Variants in LRFN2 observed in about 807,000 individuals in gnomAD.
LRFN2 encodes the protein leucine rich repeat and fibronectin type III domain containing 2.
Under a neutral mutation model 37.3 loss-of-function variants are expected in LRFN2, and 18 were observed. That is an observed-to-expected ratio of 0.48 (90% CI 0.33 to 0.72). The LOEUF (loss-of-function observed/expected upper bound fraction) is 0.72. LRFN2 is among the 30% of genes least tolerant of loss of function. The pLI, the probability that LRFN2 is intolerant of heterozygous loss-of-function variation, is 0.02. For synonymous variants in LRFN2, 556 were observed against 466.6 expected, an observed-to-expected ratio of 1.19 and a Z score of -2.47; for missense variants, 1,006 against 1,060.7, an observed-to-expected ratio of 0.95 and a Z score of 0.72.
Position 40,409,404 on chromosome 6 carries a change from A to C in LRFN2, c.1401-16492T>G, listed in dbSNP as rs77795395. 2.9e-3 allele frequency among the ~76,000 whole-genome samples: 443 copies of C among 152,332 alleles called. 1 individual carries two copies. Among genetic ancestry groups the C allele is most frequent in the African/African-American group, 0.01 (420 of 41,566 alleles). ...CTTGCAAAATGGGTTCGTAACAGCA[A>C]TCATATGGTGTCTTTGTGAAAATTA... On this transcript the variant is annotated intron_variant, in intron 2 of 2. Coordinates refer to ENST00000338305, the MANE Select transcript of LRFN2 (RefSeq NM_020737.3).
At position 40,433,087 on chromosome 6, in the gene LRFN2, T is replaced by C. The variant is rs893531652; in HGVS notation, c.27A>G (p.Leu9=). 6.6e-7 allele frequency: 1 copy of C among 1,526,510 alleles called. No individual in the cohort carries two copies. Among genetic ancestry groups the C allele is most frequent in the African/African-American group, 1.4e-5 (1 of 72,028 alleles). 94.6% of individuals were successfully genotyped at this position (1,526,510 alleles called of 1,614,324 possible). The part of the protein sequence containing the change: METLLGGL[L]AFGMAFAVVD... Reference sequence around the variant, plus strand: ...CCACGGCAAACGCCATGCCAAACGCTAGCAGGCCACCAAGCAGGGTCTCCA... The same window carrying C: ...CCACGGCAAACGCCATGCCAAACGCCAGCAGGCCACCAAGCAGGGTCTCCA... The change falls in exon 2 of 3, where the codon CTA becomes CTG. Residue 9 remains leucine (L), a synonymous_variant. Transcript: ENST00000338305.
rs1265778813 is a variant in LRFN2, at chr6:40,535,693, T to C, written c.-19+51248A>G. On this transcript the variant is annotated intron_variant, in intron 1 of 2. Coordinates refer to ENST00000338305, the MANE Select transcript of LRFN2 (RefSeq NM_020737.3). Reference sequence around the variant, plus strand: ...TAACTGCTTAGCTGCACAGTCTACATTGGTGGGAGGTGCAGGTGGGGAGGA... The same window carrying C: ...TAACTGCTTAGCTGCACAGTCTACACTGGTGGGAGGTGCAGGTGGGGAGGA... Among the ~76,000 whole-genome samples the C allele has an allele frequency of 2.6e-5, 4 of 152,130 alleles. No homozygotes were observed. The East Asian group carries it at 5.8e-4, about 22-fold the overall frequency.
Position 40,392,234 on chromosome 6 carries a change from C to A in LRFN2, c.2079G>T (p.Ser693=). 6.4e-7 allele frequency: 1 copy of A among 1,571,658 alleles called. No individual in the cohort carries two copies. Among genetic ancestry groups the A allele is most frequent in the South Asian group, 1.2e-5 (1 of 83,414 alleles). Residue 693 remains serine, a synonymous_variant, in exon 3 of 3, where the codon TCG becomes TCT. Coordinates refer to ENST00000338305, the MANE Select transcript of LRFN2 (RefSeq NM_020737.3). The surrounding 1 kb of genome is among the most constrained non-coding windows in gnomAD (Gnocchi z 4.7). ...GGGGCCCCAGCAGTGGCTCTCGGTC[C>A]GAGTGGTGGCCCCGGGCCGACGTCC... ...GAGTSARGHH[S]DREPLLGPPA...
chr6:40,583,567 TCA>T (rs746840914), intron 1 of LRFN2, among the ~76,000 whole-genome samples: 82 of 152,138 alleles, frequency 5.4e-4, no homozygotes, highest in Non-Finnish European at 8.8e-4. Context: ...AGAGAAAGGG[TCA>T]CAAATATAGC....
At chr6:40,448,269 G>A (rs1241611775) in intron 1 of LRFN2, among the ~76,000 whole-genome samples, 1 of 152,086 alleles carries the variant, frequency 6.6e-6, no homozygotes, top group African/African-American at 2.4e-5. Context: ...AGTGAGTTTT[G>A]TGCTTCTCCT....
At chr6:40,452,636 A>T (rs1237429724) in intron 1 of LRFN2, among the ~76,000 whole-genome samples, 5 of 152,196 alleles carry the variant, frequency 3.3e-5, no homozygotes, top group African/African-American at 1.2e-4. Context: ...GTCCAGAAAA[A>T]CTTAGTGATG....
In LRFN2 at chr6:40,435,046, TATATATAGAGAGAGAG is replaced by T. The variant is rs1407844558; in HGVS notation, c.-18-1931_-18-1916del. On this transcript the variant is annotated intron_variant, in intron 1 of 2. Coordinates refer to ENST00000338305, the MANE Select transcript of LRFN2 (RefSeq NM_020737.3). ...ATATATATATATATATATATATATA[TATATATAGAGAGAGAG>T]AGAGAGAGAGAGAGAGAGAGAGAGA... 2.4e-3 allele frequency among the ~76,000 whole-genome samples: 197 copies of T among 81,160 alleles called. 1 individual carries two copies. Among genetic ancestry groups the T allele is most frequent in the African/African-American group, 0.011 (182 of 16,960 alleles). The allele number at this position is 81,160 out of a possible 152,430, so 53.2% of individuals were successfully genotyped here. A position where few individuals can be genotyped will look rare whatever the true frequency, so the allele number is the denominator to read the frequency against.
intron 1 of LRFN2, among the ~76,000 whole-genome samples, chr6:40,509,252 A>G (rs758804218): frequency 1.0e-4 from 16 of 152,388 alleles, no homozygotes; most frequent in East Asian, 7.7e-4. Flanking sequence ...CTTAACACAC[A>G]TAAGTTCCTG....
chr6:40,419,215 T>G (rs1192665766), intron 2 of LRFN2, among the ~76,000 whole-genome samples: 1 of 152,220 alleles, frequency 6.6e-6, no homozygotes, highest in African/African-American at 2.4e-5. Context: ...CTCCACAGCC[T>G]TTCATGGATT....
At chr6:40,557,513 G>A (rs2113927242) in intron 1 of LRFN2, among the ~76,000 whole-genome samples, 1 of 152,238 alleles carries the variant, frequency 6.6e-6, no homozygotes, top group South Asian at 2.1e-4. Flanking sequence ...TTGGGTCAGG[G>A]AGACTCTGTG....
chr6:40,520,362 C>T (rs1167462740), intron 1 of LRFN2, among the ~76,000 whole-genome samples: 1 of 152,080 alleles, frequency 6.6e-6, no homozygotes, highest in African/African-American at 2.4e-5. Flanking sequence ...AAGCATGACA[C>T]TCTGGGCTCC....
chr6:40,546,178 G>A (rs1442917210), intron 1 of LRFN2, among the ~76,000 whole-genome samples: 3 of 152,160 alleles, frequency 2.0e-5, no homozygotes, highest in Non-Finnish European at 2.9e-5. Context: ...ACAACGCACA[G>A]TCAGCGGGTG....
chr6:40,515,366 A>G (rs1446869950), intron 1 of LRFN2, among the ~76,000 whole-genome samples: 1 of 152,230 alleles, frequency 6.6e-6, no homozygotes, highest in Non-Finnish European at 1.5e-5. Flanking sequence ...AAATGAGCAG[A>G]ATACATGGTT....
chr6:40,442,526 C>A (rs1317897226), intron 1 of LRFN2, among the ~76,000 whole-genome samples: 2 of 151,946 alleles, frequency 1.3e-5, no homozygotes, highest in Non-Finnish European at 2.9e-5. Flanking sequence ...CAGACTGGGA[C>A]CCTCTGAGGG....
At position 40,544,867 on chromosome 6, in the gene LRFN2, C is replaced by T. The variant is rs150318772; in HGVS notation, c.-19+42074G>A. Among the ~76,000 whole-genome samples the T allele has an allele frequency of 1.6e-4, 24 of 152,336 alleles. No homozygotes were observed. In the East Asian group the frequency reaches 2.3e-3, roughly 15 times the overall value. On this transcript the variant is annotated intron_variant, in intron 1 of 2. Transcript: ENST00000338305. ...GTTCCTTTCCTCTTTGGACCCTAAA[C>T]CTGCATCTTTATAATGAGAAGGAGA...
intron 2 of LRFN2, among the ~76,000 whole-genome samples, chr6:40,414,074 G>A (rs999487043): frequency 6.6e-6 from 1 of 152,200 alleles, no homozygotes; most frequent in African/African-American, 2.4e-5. Flanking sequence ...GAACAGGCAG[G>A]AGCTCTTTGG....
intron 1 of LRFN2, among the ~76,000 whole-genome samples, chr6:40,558,473 G>A (rs1480308289): frequency 6.6e-6 from 1 of 152,124 alleles, no homozygotes; most frequent in Non-Finnish European, 1.5e-5. Context: ...TGAGGGTTTG[G>A]CCACCTTGCT....
At chr6:40,586,183 G>T (rs1414052096) in intron 1 of LRFN2, among the ~76,000 whole-genome samples, 1 of 152,176 alleles carries the variant, frequency 6.6e-6, no homozygotes, top group Non-Finnish European at 1.5e-5. Context: ...GCAAAGTAAG[G>T]CACTGTCCAC....
At chr6:40,505,941 C>T (rs544791516) in intron 1 of LRFN2, among the ~76,000 whole-genome samples, 9 of 152,268 alleles carry the variant, frequency 5.9e-5, no homozygotes, top group Admixed American at 3.3e-4. Context: ...GACAGTGTGG[C>T]CAAGTGTGCA....
Sources: allele counts gnomAD v4.1 joint callset (sites outside exome capture counted in the v4.1 genomes callset), GRCh38; gene constraint gnomAD v4.1.1; non-coding constraint Gnocchi (gnomAD v3.1); transcripts MANE v1.5; gene names NCBI Gene and HGNC (gene_info 2026-07-23, HGNC 2026-07-21).